LCP1: variants seen among roughly 807,000 people sequenced by gnomAD.
The protein encoded by LCP1 is lymphocyte cytosolic protein 1, also known as plastin-2.
Under a neutral mutation model 72.0 loss-of-function variants are expected in LCP1, and 23 were observed. The ratio of observed to expected loss-of-function variants is 0.32; its 90% CI spans 0.23 to 0.45. The LOEUF (loss-of-function observed/expected upper bound fraction) is 0.45. Ranked by LOEUF, LCP1 falls within the 20% of genes least tolerant of loss-of-function variation. LCP1 has a pLI of 1.00. For synonymous variants in LCP1, 245 were observed against 275.4 expected (o/e 0.89, Z 1.09); for missense variants, 571 against 748.3 (o/e 0.76, Z 2.76).
chr13:46,179,779 G>T (rs1412542448), intron 1 of LCP1, among the ~76,000 whole-genome samples: 1 of 152,008 alleles, frequency 6.6e-6, no homozygotes, highest in Non-Finnish European at 1.5e-5. Context: ...GTGGGAGGTT[G>T]AACAGAAGGA....
chr13:46,172,567 G>T (rs1242025605), intron 1 of LCP1, among the ~76,000 whole-genome samples: 1 of 152,170 alleles, frequency 6.6e-6, no homozygotes, highest in African/African-American at 2.4e-5. Context: ...AGGAAGCTGT[G>T]GCAGGTTGGG....
Position 46,143,469 on chromosome 13 carries a change from C to G in LCP1, c.1254-65G>C, listed in dbSNP as rs545937453. On this transcript the variant is annotated intron_variant, in intron 11 of 15. Transcript: ENST00000323076. ...CATTTATTCAGGGCCTACAATGGGC[C>G]AGACACTTTCTTACATATTAGTTCA... 158 of 1,033,556 alleles carry G rather than the reference C, an allele frequency of 1.5e-4. 3 individuals carry two copies. The South Asian group carries it at 2.0e-3, about 13-fold the overall frequency. 64.0% of individuals were successfully genotyped at this position (1,033,556 alleles called of 1,614,324 possible). A position where few individuals can be genotyped will look rare whatever the true frequency, so the allele number is the denominator to read the frequency against.
chr13:46,165,772 C>G (rs2045873007), intron 1 of LCP1, among the ~76,000 whole-genome samples: 2 of 152,000 alleles, frequency 1.3e-5, no homozygotes, highest in South Asian at 4.1e-4. Context: ...AATTACTGCC[C>G]AAATCAAAAA....
intron 6 of LCP1, 168 bp from the exon 7 acceptor site, chr13:46,153,113 GA>G (rs986859780): frequency 3.5e-5 from 22 of 627,826 alleles, no homozygotes; most frequent in African/African-American, 5.6e-5. Flanking sequence ...AACCAGAAGA[GA>G]AAATCCAGTA....
chr13:46,151,229 A>C, intron 7 of LCP1, 151 bp from the exon 8 acceptor site: 1 of 688,812 alleles, frequency 1.5e-6, no homozygotes, highest in Non-Finnish European at 2.3e-6. Flanking sequence ...CCATGGATTA[A>C]ATATTTTATT....
At chr13:46,143,147 C>T (rs1209287402) in intron 12 of LCP1, 143 bp downstream of exon 12, 3 of 590,014 alleles carry the variant, frequency 5.1e-6, no homozygotes, top group East Asian at 5.8e-5. Flanking sequence ...TAAAGCTGTT[C>T]AGGTTTCTGA....
intron 1 of LCP1, among the ~76,000 whole-genome samples, chr13:46,173,996 A>G (rs550535371): frequency 7.9e-5 from 12 of 152,344 alleles, no homozygotes; most frequent in Non-Finnish European, 1.3e-4. Flanking sequence ...AGATGCACCA[A>G]TGCTCAGAAC....
In LCP1 at chr13:46,130,831, C is replaced by G. The variant is rs1318180341; in HGVS notation, c.1734G>C (p.Glu578Asp). ...LLKTENLNDD[E>D]KLNNAKYAIS... ...TTACGTACTTTGCATTGTTGAGTTT[C>G]TCATCATCATTCAGATTTTCTGTCT... Residue 578 changes from glutamate (E) to aspartate (D), a missense_variant, in exon 15 of 16, where the codon GAG becomes GAC. Glu to Asp is a conservative substitution (Grantham distance 45). Coordinates refer to ENST00000323076, the MANE Select transcript of LCP1 (RefSeq NM_002298.5). 2 of 1,612,350 alleles carry G rather than the reference C, an allele frequency of 1.2e-6. No homozygotes were observed. Among genetic ancestry groups the G allele is most frequent in the African/African-American group, 2.7e-5 (2 of 74,806 alleles).
chr13:46,163,178 G>T (rs1349717981), intron 1 of LCP1, among the ~76,000 whole-genome samples: 1 of 152,254 alleles, frequency 6.6e-6, no homozygotes, highest in African/African-American at 2.4e-5. Flanking sequence ...TGACAATGGC[G>T]GTTTTGTGGA....
intron 1 of LCP1, among the ~76,000 whole-genome samples, chr13:46,177,954 A>G (rs2045939623): frequency 6.6e-6 from 1 of 152,148 alleles, no homozygotes; most frequent in South Asian, 2.1e-4. Context: ...AGATGCATTT[A>G]TTTGGGGAAG....
rs891300143 is a variant in LCP1, at chr13:46,152,748, T to C, written c.739+32A>G. ...CAACGCGTAAGTTATTAGAAAGCTG[T>C]GTCATAAATGACCTTTGGGACTTGC... is the stretch of plus-strand genomic sequence containing the variant. On this transcript the variant is annotated intron_variant, in intron 7 of 15. Coordinates refer to ENST00000323076, the MANE Select transcript of LCP1 (RefSeq NM_002298.5). 5.6e-6 allele frequency: 9 copies of C among 1,598,892 alleles called. No individual in the cohort carries two copies. The South Asian group carries it at 6.7e-5, about 12-fold the overall frequency.
At chr13:46,136,039 C>A (rs1419213448) in intron 13 of LCP1, among the ~76,000 whole-genome samples, 1 of 150,640 alleles carries the variant, frequency 6.6e-6, no homozygotes, top group Non-Finnish European at 1.5e-5. Flanking sequence ...CTGTGATTTC[C>A]TTCTTCCCTC....
intron 10 of LCP1, 56 bp from the exon 11 acceptor site, chr13:46,144,576 T>G (rs1593949041): frequency 8.1e-7 from 1 of 1,232,470 alleles, no homozygotes; most frequent in East Asian, 2.3e-5. Context: ...AGCTTTTTTA[T>G]GACCAAAGTT....
At chr13:46,169,918 A>G (rs2045896513) in intron 1 of LCP1, among the ~76,000 whole-genome samples, 1 of 152,226 alleles carries the variant, frequency 6.6e-6, no homozygotes, top group South Asian at 2.1e-4. Flanking sequence ...AACAATCATC[A>G]TGGTTTCAGG....
intron 13 of LCP1, among the ~76,000 whole-genome samples, chr13:46,136,353 G>T (rs9595418): frequency 0.015 from 2,208 of 152,216 alleles, 52 homozygotes; most frequent in African/African-American, 0.05. Context: ...ACTTGTGATG[G>T]CATTGGTATC....
At chr13:46,142,529 G>T in intron 12 of LCP1, 104 bp from the exon 13 acceptor site, 1 of 1,216,868 alleles carries the variant, frequency 8.2e-7, no homozygotes, top group African/African-American at 1.5e-5. Flanking sequence ...AATATGGTAA[G>T]ACCGAATGAC....
intron 10 of LCP1, among the ~76,000 whole-genome samples, chr13:46,145,549 A>G (rs2045724352): frequency 6.6e-6 from 1 of 152,086 alleles, no homozygotes; most frequent in African/African-American, 2.4e-5. Flanking sequence ...ATATAGTAGG[A>G]TCCAAGCTCT....
intron 13 of LCP1, among the ~76,000 whole-genome samples, chr13:46,140,941 G>T (rs7322287): frequency 6.6e-6 from 1 of 152,078 alleles, no homozygotes. Context: ...CTAAAGCATC[G>T]GTGAGCTTAG....
intron 1 of LCP1, among the ~76,000 whole-genome samples, chr13:46,164,892 A>T (rs1443894539): frequency 1.3e-5 from 2 of 152,240 alleles, no homozygotes; most frequent in African/African-American, 4.8e-5. Context: ...GGAGCTTGTA[A>T]ATGCAGGTGC....
Sources: allele counts gnomAD v4.1 joint callset (sites outside exome capture counted in the v4.1 genomes callset), GRCh38; gene constraint gnomAD v4.1.1; transcripts MANE v1.5; gene names NCBI Gene and HGNC (gene_info 2026-07-23, HGNC 2026-07-21).